TMPRSS4: variants seen among roughly 807,000 people sequenced by gnomAD.
TMPRSS4 encodes transmembrane serine protease 4, also known as transmembrane protease serine 4.
Under a neutral mutation model 56.4 loss-of-function variants are expected in TMPRSS4, and 45 were observed. The ratio of observed to expected loss-of-function variants is 0.80; its 90% CI spans 0.63 to 1.02. TMPRSS4 has a LOEUF of 1.02. Ranked by LOEUF, TMPRSS4 falls within the 50% of genes least tolerant of loss-of-function variation. The pLI is 0.00. For missense variants in TMPRSS4, 546 were observed against 556.7 expected, an observed-to-expected ratio of 0.98 and a Z score of 0.19; for synonymous variants, 205 against 211.0, an observed-to-expected ratio of 0.97 and a Z score of 0.25.
chr11:118,107,795 G>A lies in TMPRSS4; in HGVS notation c.462G>A (p.Val154=), dbSNP rs1947068081. The A allele has an allele frequency of 1.9e-6, 3 of 1,614,042 alleles. No individual in the cohort carries two copies. Among genetic ancestry groups the A allele is most frequent in the South Asian group, 1.1e-5 (1 of 91,066 alleles). ...GYSSKPTFRA[V]EIGPDQDLDV... ...GCAGCAAACCCACTTTCAGAGCTGT[G>A]GAGATTGGCCCAGACCAGGATCTGG... The change falls in exon 6 of 13, where the codon GTG becomes GTA. Residue 154 remains valine, a synonymous_variant. Transcript: ENST00000437212.
intron 1 of TMPRSS4, among the ~76,000 whole-genome samples, chr11:118,089,067 G>A (rs1387299912): frequency 6.6e-6 from 1 of 152,024 alleles, no homozygotes; most frequent in Non-Finnish European, 1.5e-5. Context: ...GCTCAGAGGA[G>A]ATGCAGCTGG....
intron 7 of TMPRSS4, among the ~76,000 whole-genome samples, chr11:118,110,461 C>T (rs1947222953): frequency 6.6e-6 from 1 of 152,196 alleles, no homozygotes; most frequent in East Asian, 1.9e-4. Context: ...CCTGCCTCAG[C>T]CCCCTAAATA....
intron 1 of TMPRSS4, among the ~76,000 whole-genome samples, chr11:118,093,972 G>A (rs1468437104): frequency 6.6e-6 from 1 of 152,158 alleles, no homozygotes. Context: ...CACTGAGAAT[G>A]TTTATTCTTG....
chr11:118,097,848 GCAACCTCCGT>G (rs1236496420), intron 2 of TMPRSS4, among the ~76,000 whole-genome samples: 1 of 152,138 alleles, frequency 6.6e-6, no homozygotes, highest in Non-Finnish European at 1.5e-5. Context: ...TCAGCTCACT[GCAACCTCCGT>G]CTCCTGGGTT....
At chr11:118,108,824 T>G in intron 6 of TMPRSS4, 32 bp from the exon 7 acceptor site, 1 of 1,613,498 alleles carries the variant, frequency 6.2e-7, no homozygotes. Context: ...AGGAAGAAGC[T>G]TAAATCACAG....
chr11:118,113,226 T>C, intron 8 of TMPRSS4, 43 bp from the exon 9 acceptor site: 3 of 1,575,556 alleles, frequency 1.9e-6, no homozygotes, highest in African/African-American at 2.7e-5. Context: ...CAAAGTCTCC[T>C]CAGGCTTGGA....
At chr11:118,109,171 G>T (rs1403179360) in intron 7 of TMPRSS4, among the ~76,000 whole-genome samples, 2 of 152,184 alleles carry the variant, frequency 1.3e-5, no homozygotes, top group Non-Finnish European at 2.9e-5. Flanking sequence ...GTGTTAGGAA[G>T]ACCGAAAAGG....
intron 6 of TMPRSS4, 126 bp from the exon 7 acceptor site, chr11:118,108,730 C>T: frequency 1.2e-6 from 1 of 857,272 alleles, no homozygotes. Flanking sequence ...ATGTTCCCCA[C>T]TGTGCAGCTT....
chr11:118,085,510 A>C (rs1000907832), intron 1 of TMPRSS4, among the ~76,000 whole-genome samples: 8 of 152,048 alleles, frequency 5.3e-5, no homozygotes, highest in African/African-American at 1.7e-4. Context: ...CTCCCTCTTA[A>C]AGTTTAAAGG....
chr11:118,123,550 C>T (rs972862686), downstream of TMPRSS4, among the ~76,000 whole-genome samples: 1 of 152,056 alleles, frequency 6.6e-6, no homozygotes. Context: ...CGGAGTCTTG[C>T]ACTGTCACCC....
intron 2 of TMPRSS4, among the ~76,000 whole-genome samples, chr11:118,097,001 AAAGAAAGAAAG>A (rs1946410306): frequency 7.6e-6 from 1 of 131,374 alleles, no homozygotes; most frequent in South Asian, 2.6e-4. Context: ...AGAAAGAAAG[AAAGAAAGAAAG>A]AAAGAAAGAA....
At position 118,112,200 on chromosome 11, in the gene TMPRSS4, A is replaced by G. The variant is rs1591404645; in HGVS notation, c.743+300A>G. ...ACAAAAGCTCTTCCCACCTGCCTCAACTTCCAAGAACTCACTCTCTTTTTG... is the reference window on the plus strand; with the variant it reads ...ACAAAAGCTCTTCCCACCTGCCTCAGCTTCCAAGAACTCACTCTCTTTTTG... On this transcript the variant is annotated intron_variant, in intron 8 of 12. Coordinates refer to ENST00000437212, the MANE Select transcript of TMPRSS4 (RefSeq NM_019894.4). Among the ~76,000 whole-genome samples, 4 of 151,920 alleles carry G rather than the reference A, an allele frequency of 2.6e-5. No homozygotes were observed. The South Asian group carries it at 6.2e-4, about 24-fold the overall frequency.
chr11:118,092,631 TC>T (rs1946045093), intron 1 of TMPRSS4, among the ~76,000 whole-genome samples: 1 of 152,226 alleles, frequency 6.6e-6, no homozygotes, highest in Non-Finnish European at 1.5e-5. Flanking sequence ...TAATTTCTAA[TC>T]TTGGGGCTAA....
intron 3 of TMPRSS4, among the ~76,000 whole-genome samples, chr11:118,099,457 G>GAGAC (rs1946609929): frequency 4.0e-5 from 1 of 25,306 alleles, no homozygotes; most frequent in African/African-American, 1.8e-4. Flanking sequence ...GAGAGAAAGA[G>GAGAC]AGAAAGAAAG....
At chr11:118,096,792 G>A (rs1269669942) in intron 2 of TMPRSS4, among the ~76,000 whole-genome samples, 8 of 144,992 alleles carry the variant, frequency 5.5e-5, no homozygotes, top group African/African-American at 2.1e-4. Context: ...TGAATGAAAG[G>A]GAGAGAGAGA....
At chr11:118,098,195 G>A (rs1449890532) in intron 2 of TMPRSS4, among the ~76,000 whole-genome samples, 7 of 152,208 alleles carry the variant, frequency 4.6e-5, no homozygotes, top group Non-Finnish European at 1.0e-4. Flanking sequence ...CTCCACAGCT[G>A]CCTTCACCCA....
At chr11:118,079,187 T>A (rs1198478574) in intron 1 of TMPRSS4, among the ~76,000 whole-genome samples, 1 of 152,162 alleles carries the variant, frequency 6.6e-6, no homozygotes, top group Non-Finnish European at 1.5e-5. Flanking sequence ...GCCATTATAC[T>A]GCCTGTGCTG....
At chr11:118,077,373 C>G in intron 1 of TMPRSS4, 68 bp downstream of exon 1, 4 of 1,501,576 alleles carry the variant, frequency 2.7e-6, no homozygotes, top group Non-Finnish European at 3.6e-6. Context: ...GCCCTTCAAG[C>G]AGCCTGAGCA....
chr11:118,111,059 C>G (rs564068516), intron 7 of TMPRSS4, among the ~76,000 whole-genome samples: 1 of 152,332 alleles, frequency 6.6e-6, no homozygotes, highest in African/African-American at 2.4e-5. Flanking sequence ...TGTTTGAAAT[C>G]AGGTGGTATT....
Sources: gnomAD v4.1 joint callset for allele counts (sites outside exome capture counted in the v4.1 genomes callset) on GRCh38, gnomAD v4.1.1 for gene constraint, MANE v1.5 for transcripts, NCBI Gene and HGNC (gene_info 2026-07-23, HGNC 2026-07-21) for gene names.